Variants in MPP4 observed in about 807,000 individuals in gnomAD.
MPP4 encodes the protein MAGUK p55 subfamily member 4.
Under a neutral mutation model 98.3 loss-of-function variants are expected in MPP4, and 91 were observed. The observed-to-expected ratio is 0.93, with a 90% CI of 0.78 to 1.10. The LOEUF (loss-of-function observed/expected upper bound fraction) is 1.10, where lower values mean the gene tolerates loss of function less well. Among genes scored for constraint, MPP4 ranks in the 50% least tolerant of loss-of-function variants. The pLI, the probability that MPP4 is intolerant of heterozygous loss-of-function variation, is 0.00. For synonymous variants in MPP4, 261 were observed against 271.8 expected (o/e 0.96, Z 0.39); for missense variants, 744 against 792.9 (o/e 0.94, Z 0.74).
chr2:201,697,050 G>A (rs1260887176), intron 1 of MPP4, among the ~76,000 whole-genome samples: 2 of 152,130 alleles, frequency 1.3e-5, no homozygotes, highest in African/African-American at 2.4e-5. Flanking sequence ...TGAGGTAGAG[G>A]CCTCAAGATG....
intron 10 of MPP4, among the ~76,000 whole-genome samples, chr2:201,676,671 AG>A (rs1269357001): frequency 1.3e-5 from 2 of 152,180 alleles, no homozygotes; most frequent in Non-Finnish European, 2.9e-5. Flanking sequence ...AGGCCGAGGC[AG>A]GCAGATCACC....
At chr2:201,662,944 T>C (rs563069177) in intron 14 of MPP4, among the ~76,000 whole-genome samples, 1 of 152,214 alleles carries the variant, frequency 6.6e-6, no homozygotes, top group Non-Finnish European at 1.5e-5. Flanking sequence ...ATGTCAACAT[T>C]ATTTTGAGGG....
intron 1 of MPP4, among the ~76,000 whole-genome samples, chr2:201,694,686 G>A (rs561867820): frequency 1.9e-4 from 25 of 131,782 alleles, no homozygotes; most frequent in African/African-American, 7.1e-4. Context: ...CATGATCATG[G>A]CTCATGATCA....
In MPP4 at chr2:201,678,283, C is replaced by T. The variant is rs1004359586; in HGVS notation, c.929+2555G>A. Among the ~76,000 whole-genome samples the T allele has an allele frequency of 7.2e-5, 11 of 152,214 alleles. No homozygotes were observed. In the South Asian group the frequency reaches 2.3e-3, roughly 32 times the overall value. On this transcript the variant is annotated intron_variant, in intron 10 of 21. Coordinates refer to ENST00000409474, the MANE Select transcript of MPP4 (RefSeq NM_033066.3). ...GACTAATCTCATTAGGCCTTTATCCCTGTTCATGTCCTTCAGCCCCCAAGC... is the reference window on the plus strand; with the variant it reads ...GACTAATCTCATTAGGCCTTTATCCTTGTTCATGTCCTTCAGCCCCCAAGC...
chr2:201,666,683 C>A, intron 12 of MPP4: 1 of 177,806 alleles, frequency 5.6e-6, no homozygotes, highest in East Asian at 1.4e-4. Context: ...GAGATAGTGC[C>A]ATTGCACTCC....
chr2:201,664,478 A>G, intron 13 of MPP4: 1 of 713,798 alleles, frequency 1.4e-6, no homozygotes. Context: ...TTGCCGATGT[A>G]GGAGGGGTGC....
Position 201,651,294 on chromosome 2 carries a change from G to A in MPP4, c.1382-1129C>T, listed in dbSNP as rs939567564. The stretch of plus-strand genomic sequence containing the variant: ...CAAATGTCATCTTGGGGTCATTTTT[G>A]TTTTTTCCTTATTCAAGCCTCTCAT... On this transcript the variant is annotated intron_variant, in intron 18 of 21. Coordinates refer to ENST00000409474, the MANE Select transcript of MPP4 (RefSeq NM_033066.3). The A allele has an allele frequency of 3.0e-6, 3 of 985,212 alleles. No homozygotes were observed. The African/African-American group carries it at 5.2e-5, about 17-fold the overall frequency. The allele number at this position is 985,212 out of a possible 1,614,324, so 61.0% of individuals were successfully genotyped here. A position where few individuals can be genotyped will look rare whatever the true frequency, so the allele number is the denominator to read the frequency against.
intron 10 of MPP4, among the ~76,000 whole-genome samples, chr2:201,678,465 C>T (rs997283283): frequency 1.3e-5 from 2 of 152,188 alleles, no homozygotes; most frequent in Non-Finnish European, 2.9e-5. Context: ...CCCAACTCTC[C>T]CTGTGGTCTG....
chr2:201,647,606 C>T, intron 21 of MPP4, 85 bp downstream of exon 21: 1 of 1,457,808 alleles, frequency 6.9e-7, no homozygotes, highest in Non-Finnish European at 9.4e-7. Flanking sequence ...ACAATGAGAT[C>T]AGAGATCCTT....
At position 201,692,963 on chromosome 2, in the gene MPP4, C is replaced by T; in HGVS notation, c.146G>A (p.Gly49Glu). ...GAGGAGATCGTACAAGAGACACACTCCATTCACATCTCTGCCGTAGAACAG... is the reference window on the plus strand; with the variant it reads ...GAGGAGATCGTACAAGAGACACACTTCATTCACATCTCTGCCGTAGAACAG... ...LSLFYGRDVN[G>E]VCLLYDLLHS... Residue 49 changes from glycine to glutamate, a missense_variant, in exon 3 of 22, where the codon GGA (glycine) becomes GAA (glutamate). Physicochemically the swap from Gly to Glu is moderately conservative, Grantham distance 98. Transcript: ENST00000409474. 6.2e-7 allele frequency: 1 copy of T among 1,612,838 alleles called. No homozygotes were observed. The highest frequency in any genetic ancestry group is 8.5e-7 in the Non-Finnish European group (1 of 1,179,462).
intron 14 of MPP4, among the ~76,000 whole-genome samples, chr2:201,662,888 T>C (rs1688066572): frequency 6.6e-6 from 1 of 152,192 alleles, no homozygotes; most frequent in Non-Finnish European, 1.5e-5. Flanking sequence ...CCAGCAGGTT[T>C]GCAGTTTAAA....
chr2:201,650,330 G>GT, intron 18 of MPP4, 165 bp from the exon 19 acceptor site: 2 of 985,374 alleles, frequency 2.0e-6, no homozygotes, highest in Non-Finnish European at 2.4e-6. Context: ...ATAAGTTCTC[G>GT]TATCAAAATC....
chr2:201,685,836 G>A, intron 6 of MPP4, 83 bp downstream of exon 6: 1 of 1,518,002 alleles, frequency 6.6e-7, no homozygotes, highest in Non-Finnish European at 9.0e-7. Context: ...CAAGGCTACT[G>A]CCCAAGTAAC....
intron 17 of MPP4, 107 bp from the exon 18 acceptor site, chr2:201,655,024 T>C: frequency 1.5e-6 from 1 of 689,570 alleles, no homozygotes; most frequent in Non-Finnish European, 2.3e-6. Flanking sequence ...AGAGCAAATA[T>C]TTTTAGGGAA....
chr2:201,697,020 A>G (rs1295449894), intron 1 of MPP4, among the ~76,000 whole-genome samples: 1 of 152,078 alleles, frequency 6.6e-6, no homozygotes, highest in Non-Finnish European at 1.5e-5. Flanking sequence ...GGCCTTTGGG[A>G]GGTAACTGGG....
chr2:201,658,472 C>T lies in MPP4; in HGVS notation c.1129+5G>A, dbSNP rs745611491. On this transcript the variant is annotated splice_donor_5th_base_variant and intron_variant, in intron 16 of 21. Coordinates refer to ENST00000409474, the MANE Select transcript of MPP4 (RefSeq NM_033066.3). Reference sequence around the variant, plus strand: ...AGACCCACCTCTTGTTAATTTATCACCTACCTATAAAGAACTTCTGACCGT... The same window carrying T: ...AGACCCACCTCTTGTTAATTTATCATCTACCTATAAAGAACTTCTGACCGT... 5.0e-6 allele frequency: 8 copies of T among 1,611,350 alleles called. No individual in the cohort carries two copies. The highest frequency in any genetic ancestry group is 6.8e-6 in the Non-Finnish European group (8 of 1,178,598).
intron 11 of MPP4, chr2:201,673,632 A>G (rs980155199): frequency 1.2e-5 from 2 of 161,762 alleles, no homozygotes; most frequent in Non-Finnish European, 1.4e-5. Context: ...AGCTATTACT[A>G]TAACCATCTA....
At chr2:201,667,556 G>A (rs962319297) in intron 12 of MPP4, among the ~76,000 whole-genome samples, 2 of 152,146 alleles carry the variant, frequency 1.3e-5, no homozygotes, top group African/African-American at 4.8e-5. Flanking sequence ...CTTAAATTGA[G>A]TTTTCTTTTA....
At chr2:201,687,454 C>T (rs1688872288) in intron 4 of MPP4, 83 bp from the exon 5 acceptor site, 1 of 979,754 alleles carries the variant, frequency 1.0e-6, no homozygotes, top group Non-Finnish European at 1.6e-6. Flanking sequence ...GGATAACATA[C>T]ATACTAACAT....
Sources: allele counts gnomAD v4.1 joint callset (sites outside exome capture counted in the v4.1 genomes callset), GRCh38; gene constraint gnomAD v4.1.1; transcripts MANE v1.5; gene names NCBI Gene and HGNC (gene_info 2026-07-23, HGNC 2026-07-21).